Variants in ADAMTS17 observed in about 807,000 individuals in gnomAD.
ADAMTS17 encodes A disintegrin and metalloproteinase with thrombospondin motifs 17.
Under a neutral mutation model 141.5 loss-of-function variants are expected in ADAMTS17, and 113 were observed. The ratio of observed to expected loss-of-function variants is 0.80; its 90% confidence interval spans 0.69 to 0.93. The LOEUF (loss-of-function observed/expected upper bound fraction) is 0.93, where lower values mean the gene tolerates loss of function less well. Ranked by LOEUF, ADAMTS17 falls within the 40% of genes least tolerant of loss-of-function variation. ADAMTS17 has a pLI of 0.00. For missense variants in ADAMTS17, 1,659 were observed against 1,517.9 expected, an observed-to-expected ratio of 1.09 and a Z score of -1.54; for synonymous variants, 768 against 630.6, an observed-to-expected ratio of 1.22 and a Z score of -3.27.
intron 8 of ADAMTS17, among the ~76,000 whole-genome samples, chr15:100,158,626 C>T (rs1596137645): frequency 1.3e-5 from 2 of 152,170 alleles, no homozygotes; most frequent in African/African-American, 4.8e-5. Context: ...TACAAGCCCA[C>T]TCTTTGATTC....
At chr15:100,221,233 G>A (rs1017813933) in intron 7 of ADAMTS17, among the ~76,000 whole-genome samples, 1 of 151,280 alleles carries the variant, frequency 6.6e-6, no homozygotes. Flanking sequence ...ACAAAAATAT[G>A]CTGGAAATGT....
chr15:100,237,921 G>A (rs1027014793), intron 7 of ADAMTS17, among the ~76,000 whole-genome samples: 6 of 152,120 alleles, frequency 3.9e-5, no homozygotes, highest in East Asian at 1.9e-4. Context: ...CACTGTGCCC[G>A]GCCAACACTA....
intron 7 of ADAMTS17, among the ~76,000 whole-genome samples, chr15:100,212,899 C>T (rs542599721): frequency 3.9e-5 from 6 of 151,942 alleles, no homozygotes; most frequent in African/African-American, 7.2e-5. Context: ...CATAGGGTGA[C>T]GCGTACCTTT....
At chr15:100,193,598 C>G (rs968642034) in intron 8 of ADAMTS17, among the ~76,000 whole-genome samples, 7 of 152,202 alleles carry the variant, frequency 4.6e-5, no homozygotes, top group African/African-American at 1.7e-4. Context: ...GGAGAGCTTT[C>G]CTGAGCTTCC....
intron 7 of ADAMTS17, among the ~76,000 whole-genome samples, chr15:100,217,797 T>C (rs1027541733): frequency 1.3e-5 from 2 of 152,170 alleles, no homozygotes; most frequent in African/African-American, 4.8e-5. Flanking sequence ...ATCTGGTAAG[T>C]GACTTTTACC....
intron 7 of ADAMTS17, among the ~76,000 whole-genome samples, chr15:100,248,840 C>T (rs1041797672): frequency 6.6e-6 from 1 of 151,506 alleles, no homozygotes; most frequent in Non-Finnish European, 1.5e-5. Context: ...ACTCTGTTGC[C>T]CAGGCTGGAG....
At chr15:100,139,562 G>T (rs55746345) in intron 10 of ADAMTS17, among the ~76,000 whole-genome samples, 5 of 152,198 alleles carry the variant, frequency 3.3e-5, no homozygotes, top group African/African-American at 1.2e-4. Flanking sequence ...AACGGCTACA[G>T]AAAAACTCAA....
At chr15:100,008,097 G>C (rs1010276029) in intron 18 of ADAMTS17, among the ~76,000 whole-genome samples, 1 of 152,134 alleles carries the variant, frequency 6.6e-6, no homozygotes, top group African/African-American at 2.4e-5. Context: ...GGGGGAAGCA[G>C]GGATGGATGG....
At chr15:100,183,952 G>A (rs2040614333) in intron 8 of ADAMTS17, among the ~76,000 whole-genome samples, 1 of 152,160 alleles carries the variant, frequency 6.6e-6, no homozygotes, top group Non-Finnish European at 1.5e-5. Flanking sequence ...TGTGTTACTG[G>A]GTGTCGCTGA....
intron 3 of ADAMTS17, among the ~76,000 whole-genome samples, chr15:100,293,973 T>C (rs2044726141): frequency 6.6e-6 from 1 of 152,224 alleles, no homozygotes; most frequent in African/African-American, 2.4e-5. Context: ...CTTTGACATC[T>C]GACAGAGCTG....
intron 4 of ADAMTS17, among the ~76,000 whole-genome samples, chr15:100,264,003 A>C (rs371494247): frequency 3.3e-5 from 5 of 152,234 alleles, no homozygotes; most frequent in Non-Finnish European, 7.3e-5. Flanking sequence ...GTGACAAAGG[A>C]ATCAGCCGTG....
At chr15:100,084,533 C>CA (rs1247016642) in intron 15 of ADAMTS17, among the ~76,000 whole-genome samples, 1 of 152,236 alleles carries the variant, frequency 6.6e-6, no homozygotes, top group Non-Finnish European at 1.5e-5. Flanking sequence ...TGAGAACAGG[C>CA]AGACTGCCTC....
chr15:100,149,041 G>A (rs1567257440), intron 10 of ADAMTS17, among the ~76,000 whole-genome samples: 1 of 152,350 alleles, frequency 6.6e-6, no homozygotes, highest in African/African-American at 2.4e-5. Context: ...GGCGGCACAC[G>A]CCTGCACCAG....
chr15:100,099,737 GGATGGTATGA>G (rs765145714), intron 14 of ADAMTS17, among the ~76,000 whole-genome samples: 261 of 144,310 alleles, frequency 1.8e-3, no homozygotes, highest in Non-Finnish European at 2.9e-3. Context: ...TAAAGGCATG[GGATGGTATGA>G]GATGGTATGA....
At chr15:100,262,283 A>G in intron 5 of ADAMTS17, 69 bp downstream of exon 5, 1 of 1,421,610 alleles carries the variant, frequency 7.0e-7, no homozygotes, top group Non-Finnish European at 9.9e-7. Context: ...CTTAGCATTC[A>G]ACAGCAGTTG....
chr15:100,094,288 A>T (rs947710268), intron 15 of ADAMTS17, among the ~76,000 whole-genome samples: 1 of 152,244 alleles, frequency 6.6e-6, no homozygotes, highest in African/African-American at 2.4e-5. Context: ...GGCTTCCAGT[A>T]TGGTCCATCC....
Position 100,133,268 on chromosome 15 carries a change from G to A in ADAMTS17, c.1521C>T (p.Ser507=), listed in dbSNP as rs1356993861. 2 of 1,599,592 alleles carry A rather than the reference G, an allele frequency of 1.3e-6. No homozygotes were observed. Among genetic ancestry groups the A allele is most frequent in the Non-Finnish European group, 1.7e-6 (2 of 1,171,946 alleles). The change falls in exon 11 of 22, where the codon TCC becomes TCT. Residue 507 remains serine, a synonymous_variant. Coordinates refer to ENST00000268070, the MANE Select transcript of ADAMTS17 (RefSeq NM_139057.4). ...GLWCLVEGDT[S]CKTKLDPPLD... is the part of the protein sequence containing the mutation. ...GGGGAGGGTCCAGCTTGGTCTTGCA[G>A]GATGTGTCTCCTTCTACCAGGCACC...
chr15:100,220,130 A>G (rs895977761), intron 7 of ADAMTS17, among the ~76,000 whole-genome samples: 2 of 152,216 alleles, frequency 1.3e-5, no homozygotes, highest in Admixed American at 1.3e-4. Context: ...AACAAGGAGC[A>G]TGAACCTGAA....
intron 7 of ADAMTS17, among the ~76,000 whole-genome samples, chr15:100,231,119 A>G (rs2042467714): frequency 6.6e-6 from 1 of 152,158 alleles, no homozygotes; most frequent in African/African-American, 2.4e-5. Context: ...TAAAATAAAT[A>G]CTTCCATCAG....
Sources: gnomAD v4.1 joint callset for allele counts (sites outside exome capture counted in the v4.1 genomes callset) on GRCh38, gnomAD v4.1.1 for gene constraint, MANE v1.5 for transcripts, NCBI Gene and HGNC (gene_info 2026-07-23, HGNC 2026-07-21) for gene names.